Variants in TRPM3 observed in about 807,000 individuals in gnomAD.
The protein encoded by TRPM3 is long transient receptor potential channel 3.
TRPM3 carries 77 observed loss-of-function variants against 181.2 expected under a neutral mutation model. The ratio of observed to expected loss-of-function variants is 0.42; its 90% CI spans 0.35 to 0.51. The LOEUF (loss-of-function observed/expected upper bound fraction) is 0.51, where lower values mean the gene tolerates loss of function less well. TRPM3 is among the 20% of genes least tolerant of loss of function. The pLI, the probability that TRPM3 is intolerant of heterozygous loss-of-function variation, is 0.01. For synonymous variants in TRPM3, 745 were observed against 796.4 expected (o/e 0.94, Z 1.09); for missense variants, 1,759 against 2,196.7 (o/e 0.80, Z 3.98).
intron 1 of TRPM3, among the ~76,000 whole-genome samples, chr9:71,288,900 C>A (rs1055572982): frequency 6.6e-6 from 1 of 152,036 alleles, no homozygotes; most frequent in African/African-American, 2.4e-5. Flanking sequence ...GCATGCATAT[C>A]TCCTTGGTTT....
chr9:70,689,065 C>A (rs767682327), intron 8 of TRPM3, among the ~76,000 whole-genome samples: 2 of 152,102 alleles, frequency 1.3e-5, no homozygotes, highest in African/African-American at 4.8e-5. Context: ...GGTAACATAG[C>A]AAAGTGAATG....
intron 1 of TRPM3, among the ~76,000 whole-genome samples, chr9:71,413,253 AT>A (rs1344665886): frequency 3.9e-5 from 6 of 152,300 alleles, no homozygotes; most frequent in South Asian, 2.1e-4. Context: ...TAACAAAAAA[AT>A]AAAATTAAAA....
At chr9:70,910,533 A>T (rs981750077) in intron 1 of TRPM3, among the ~76,000 whole-genome samples, 3 of 152,192 alleles carry the variant, frequency 2.0e-5, no homozygotes, top group African/African-American at 7.2e-5. Flanking sequence ...TGTTATATAT[A>T]TTTAGAAGTT....
intron 22 of TRPM3, among the ~76,000 whole-genome samples, chr9:70,573,805 G>A (rs1464033610): frequency 6.6e-6 from 1 of 152,030 alleles, no homozygotes; most frequent in African/African-American, 2.4e-5. Context: ...GTGAAGAACT[G>A]GGCTCAGGTC....
At chr9:71,242,395 G>A (rs1466129372) in intron 1 of TRPM3, among the ~76,000 whole-genome samples, 1 of 152,110 alleles carries the variant, frequency 6.6e-6, no homozygotes, top group East Asian at 1.9e-4. Flanking sequence ...AAAAGTCTCG[G>A]TCATGACCGG....
intron 1 of TRPM3, among the ~76,000 whole-genome samples, chr9:71,198,525 C>G (rs1342124437): frequency 2.0e-4 from 31 of 152,084 alleles, no homozygotes; most frequent in African/African-American, 2.7e-4. Context: ...TCTTCCATTT[C>G]TTTGTATCCT....
At chr9:71,007,974 C>T (rs1476241378) in intron 1 of TRPM3, among the ~76,000 whole-genome samples, 1 of 151,470 alleles carries the variant, frequency 6.6e-6, no homozygotes, top group Admixed American at 6.6e-5. Context: ...ACAAAAGAAC[C>T]CCAAAACGAA....
At chr9:70,613,896 C>A (rs189730022) in intron 18 of TRPM3, among the ~76,000 whole-genome samples, 58 of 152,240 alleles carry the variant, frequency 3.8e-4, no homozygotes, top group African/African-American at 1.4e-3. Context: ...GAGACCCAAC[C>A]AGAGAGAATG....
At chr9:70,634,675 T>G (rs1158062387) in intron 12 of TRPM3, among the ~76,000 whole-genome samples, 1 of 152,156 alleles carries the variant, frequency 6.6e-6, no homozygotes, top group Non-Finnish European at 1.5e-5. Flanking sequence ...TACCAACATT[T>G]TTTTCCCATC....
intron 1 of TRPM3, among the ~76,000 whole-genome samples, chr9:71,156,378 C>CAT (rs1456239427): frequency 1.6e-5 from 1 of 63,128 alleles, no homozygotes; most frequent in Non-Finnish European, 3.0e-5. Context: ...ATACTACAGA[C>CAT]ACACACACAC....
chr9:71,292,770 G>T (rs1588332791), intron 1 of TRPM3, among the ~76,000 whole-genome samples: 1 of 151,944 alleles, frequency 6.6e-6, no homozygotes, highest in East Asian at 1.9e-4. Flanking sequence ...ACAGAAAGGG[G>T]AGAAATACTT....
chr9:70,880,698 C>T (rs991784953), intron 1 of TRPM3, among the ~76,000 whole-genome samples: 1 of 152,092 alleles, frequency 6.6e-6, no homozygotes, highest in Non-Finnish European at 1.5e-5. Context: ...GATGGCACAT[C>T]TATACTGCTC....
chr9:70,635,256 A>C lies in TRPM3; in HGVS notation c.1587T>G (p.His529Gln). 1 of 1,613,868 alleles carries C rather than the reference A, an allele frequency of 6.2e-7. No homozygotes were observed. The highest frequency in any genetic ancestry group is 8.5e-7 in the Non-Finnish European group (1 of 1,179,860). Residue 529 changes from histidine (H) to glutamine (Q), a missense_variant, in exon 12 of 26, where the codon CAT (histidine) becomes CAG (glutamine). His to Gln is a conservative substitution (Grantham distance 24, BLOSUM62 0). Coordinates refer to ENST00000677713, the MANE Select transcript of TRPM3 (RefSeq NM_001366145.2). ...SRLEELYNTRHGPSNTLYHLV... is the reference protein window; with the variant it reads ...SRLEELYNTRQGPSNTLYHLV... The stretch of plus-strand genomic sequence containing the variant: ...AGTGGTACAATGTATTTGAGGGCCC[A>C]TGTCTCTGAAAACAATAAAGAAGAA...
chr9:70,564,376 G>A (rs2049981718), intron 22 of TRPM3, among the ~76,000 whole-genome samples: 1 of 152,112 alleles, frequency 6.6e-6, no homozygotes, highest in South Asian at 2.1e-4. Flanking sequence ...AGGGCAGGAG[G>A]AGGCACCCCT....
chr9:71,230,499 C>T (rs1019537028), intron 1 of TRPM3, among the ~76,000 whole-genome samples: 32 of 151,994 alleles, frequency 2.1e-4, no homozygotes, highest in African/African-American at 7.3e-4. Context: ...AGAATAAATG[C>T]TTGAGGTGGT....
intron 9 of TRPM3, among the ~76,000 whole-genome samples, chr9:70,655,148 A>C (rs1418760305): frequency 6.6e-6 from 1 of 150,698 alleles, no homozygotes; most frequent in Non-Finnish European, 1.5e-5. Context: ...TCTGCTAAAA[A>C]TACAAAAATT....
chr9:70,673,928 G>T (rs1489505990), intron 9 of TRPM3, among the ~76,000 whole-genome samples: 2 of 114,284 alleles, frequency 1.8e-5, no homozygotes, highest in African/African-American at 7.0e-5. Flanking sequence ...CAATCTGGGA[G>T]ACCAGAGTAA....
intron 24 of TRPM3, among the ~76,000 whole-genome samples, chr9:70,550,351 A>G (rs992688016): frequency 1.3e-5 from 2 of 152,190 alleles, no homozygotes; most frequent in African/African-American, 4.8e-5. Context: ...CTATTTTGTG[A>G]CCATGAAACA....
At chr9:70,834,624 T>C (rs2094180305) in intron 5 of TRPM3, among the ~76,000 whole-genome samples, 1 of 152,176 alleles carries the variant, frequency 6.6e-6, no homozygotes, top group South Asian at 2.1e-4. Flanking sequence ...TCACGTTACT[T>C]ACTCTGGGGG....
Sources: allele counts gnomAD v4.1 joint callset (sites outside exome capture counted in the v4.1 genomes callset), GRCh38; gene constraint gnomAD v4.1.1; transcripts MANE v1.5; gene names NCBI Gene and HGNC (gene_info 2026-07-23, HGNC 2026-07-21).